TRMT11: variants seen among roughly 807,000 people sequenced by gnomAD.
TRMT11 encodes the protein tRNA (guanine(10)-N(2))-methyltransferase TRMT11.
In TRMT11, 53 loss-of-function variants were observed where a neutral mutation model predicts 62.8. The ratio of observed to expected loss-of-function variants is 0.84; its 90% confidence interval spans 0.68 to 1.06. The LOEUF is 1.06. TRMT11 is among the 50% of genes least tolerant of loss of function. The pLI is 0.00. For synonymous variants in TRMT11, 188 were observed against 190.3 expected (o/e 0.99, Z 0.10); for missense variants, 556 against 553.4 (o/e 1.00, Z -0.05).
At chr6:126,040,664 G>T (rs1775849888), downstream of TRMT11, among the ~76,000 whole-genome samples, 1 of 151,912 alleles carries the variant, frequency 6.6e-6, no homozygotes, top group Non-Finnish European at 1.5e-5. Flanking sequence ...AGAAAGTCCT[G>T]TAGTTTGGAT....
At chr6:126,255,041 A>T in the TRMT11 span, among the ~76,000 whole-genome samples, 1 of 152,174 alleles carries the variant, frequency 6.6e-6, no homozygotes, top group Non-Finnish European at 1.5e-5. Context: ...ATACCTAGTG[A>T]TAGAAACTAA....
intron 1 of TRMT11, among the ~76,000 whole-genome samples, chr6:125,987,365 A>G (rs1007501191): frequency 6.6e-5 from 10 of 152,176 alleles, no homozygotes; most frequent in Admixed American, 5.2e-4. Context: ...AAATCAGTAA[A>G]TTAGAATTAC....
intron 17 of TRMT11, among the ~76,000 whole-genome samples, chr6:126,091,385 A>G (rs1434652420): frequency 1.3e-5 from 2 of 152,112 alleles, no homozygotes; most frequent in Non-Finnish European, 2.9e-5. Context: ...ATGGTGTTCA[A>G]ATAAGGCAAA....
intron 17 of TRMT11, among the ~76,000 whole-genome samples, chr6:126,078,914 G>T (rs1007067755): frequency 6.6e-6 from 1 of 152,210 alleles, no homozygotes; most frequent in African/African-American, 2.4e-5. Flanking sequence ...TGCGTGTTCT[G>T]CATTGTGCAA....
intron 21 of TRMT11, among the ~76,000 whole-genome samples, chr6:126,127,351 T>A (rs961548482): frequency 1.1e-4 from 17 of 152,092 alleles, no homozygotes; most frequent in Admixed American, 3.3e-4. Context: ...AACTATCAAA[T>A]TGTCACATGG....
chr6:126,118,971 A>G (rs1469779534), intron 21 of TRMT11, among the ~76,000 whole-genome samples: 1 of 152,100 alleles, frequency 6.6e-6, no homozygotes, highest in African/African-American at 2.4e-5. Context: ...TTCGTTAGCT[A>G]GGTAGGATTT....
At chr6:126,224,340 T>C in the TRMT11 span, among the ~76,000 whole-genome samples, 1 of 152,252 alleles carries the variant, frequency 6.6e-6, no homozygotes, top group Non-Finnish European at 1.5e-5. Flanking sequence ...CATTCCTTGA[T>C]GGCCTTGGGG....
intron 21 of TRMT11, among the ~76,000 whole-genome samples, chr6:126,146,639 C>T (rs946331061): frequency 2.0e-5 from 3 of 151,908 alleles, no homozygotes; most frequent in Admixed American, 1.3e-4. Context: ...TGCCTCAGCT[C>T]CCGAGTAGCT....
At chr6:126,006,291 T>C (rs546995667) in intron 7 of TRMT11, among the ~76,000 whole-genome samples, 11 of 152,150 alleles carry the variant, frequency 7.2e-5, no homozygotes, top group Admixed American at 7.2e-4. Flanking sequence ...GCCATTTTTC[T>C]TTCTTTTTTT....
At chr6:126,130,708 A>G (rs1282301545) in intron 21 of TRMT11, among the ~76,000 whole-genome samples, 1 of 152,206 alleles carries the variant, frequency 6.6e-6, no homozygotes, top group Non-Finnish European at 1.5e-5. Flanking sequence ...GGTTCTCAAC[A>G]TTTACCACAA....
At chr6:126,257,217 G>T in the TRMT11 span, among the ~76,000 whole-genome samples, 1 of 151,678 alleles carries the variant, frequency 6.6e-6, no homozygotes, top group Non-Finnish European at 1.5e-5. Context: ...AGTTTTCTCA[G>T]CCTGTTTTCT....
At chr6:126,163,106 G>A (rs1332356602) in intron 21 of TRMT11, among the ~76,000 whole-genome samples, 2 of 152,192 alleles carry the variant, frequency 1.3e-5, no homozygotes, top group Admixed American at 6.5e-5. Flanking sequence ...TTGAGTAGGA[G>A]TGGTGAGAGA....
At chr6:126,224,209 A>G in the TRMT11 span, among the ~76,000 whole-genome samples, 1 of 152,212 alleles carries the variant, frequency 6.6e-6, no homozygotes, top group Non-Finnish European at 1.5e-5. Flanking sequence ...TGGAAGGTAA[A>G]AAGACACTCT....
At chr6:126,199,786 G>A (rs1262669866) in exon 3 of TRMT11, 1 of 152,194 alleles carries the variant, frequency 6.6e-6, no homozygotes, top group African/African-American at 2.4e-5. Flanking sequence ...AAATAATGTG[G>A]TTAAAGAAGG....
At chr6:126,194,332 G>A (rs73771411) in intron 1 of TRMT11, among the ~76,000 whole-genome samples, 13 of 152,136 alleles carry the variant, frequency 8.5e-5, no homozygotes, top group African/African-American at 2.2e-4. Context: ...TGAGTTCTTC[G>A]GTATTGGATG....
At chr6:126,129,057 A>G (rs192056878) in intron 21 of TRMT11, among the ~76,000 whole-genome samples, 11 of 152,056 alleles carry the variant, frequency 7.2e-5, no homozygotes, top group African/African-American at 2.2e-4. Flanking sequence ...CGAACTAGCA[A>G]TGTGGCCAAG....
At chr6:126,031,863 A>AAGTTAGCTGTGATACTACTG (rs1774259735) in intron 12 of TRMT11, among the ~76,000 whole-genome samples, 1 of 152,152 alleles carries the variant, frequency 6.6e-6, no homozygotes, top group African/African-American at 2.4e-5. Flanking sequence ...GAGCTGTGGA[A>AAGTTAGCTGTGATACTACTG]AGTTAGCTGT....
intron 21 of TRMT11, among the ~76,000 whole-genome samples, chr6:126,128,719 T>C (rs1777745780): frequency 6.6e-6 from 1 of 152,038 alleles, no homozygotes; most frequent in African/African-American, 2.4e-5. Context: ...ATAAGCACCT[T>C]CACTTATGCA....
chr6:126,264,256 TTTTA>T, the TRMT11 span, among the ~76,000 whole-genome samples: 2 of 152,222 alleles, frequency 1.3e-5, no homozygotes, highest in African/African-American at 2.4e-5. Flanking sequence ...TCAAAATATA[TTTTA>T]TTTATTTTCT....
Sources: gnomAD v4.1 joint callset for allele counts (sites outside exome capture counted in the v4.1 genomes callset) on GRCh38, gnomAD v4.1.1 for gene constraint, MANE v1.5 for transcripts, NCBI Gene and HGNC (gene_info 2026-07-23, HGNC 2026-07-21) for gene names.